LIPC: variants seen among roughly 807,000 people sequenced by gnomAD.
The protein encoded by LIPC is lipase C, hepatic type, also known as hepatic triacylglycerol lipase.
In LIPC, 44 loss-of-function variants were observed where a neutral mutation model predicts 50.7. That is an observed-to-expected ratio of 0.87 (90% CI 0.68 to 1.11). LIPC has a LOEUF of 1.11. Among genes scored for constraint, LIPC ranks in the 50% most tolerant of loss-of-function variants. LIPC has a pLI of 0.00. For missense variants in LIPC, 697 were observed against 648.2 expected (o/e 1.08, Z -0.82); for synonymous variants, 271 against 256.4 (o/e 1.06, Z -0.54).
chr15:58,550,027 A>AT, intron 6 of LIPC, among the ~76,000 whole-genome samples: 1 of 152,356 alleles, frequency 6.6e-6, no homozygotes, highest in South Asian at 2.1e-4. Context: ...TGTTCGCATC[A>AT]TGAGGAGCAG....
At chr15:58,543,622 T>C (rs144542329) in intron 4 of LIPC, among the ~76,000 whole-genome samples, 2 of 152,324 alleles carry the variant, frequency 1.3e-5, no homozygotes, top group African/African-American at 4.8e-5. Context: ...CGAATTTATA[T>C]TTTATCAAGT....
intron 6 of LIPC, among the ~76,000 whole-genome samples, chr15:58,555,744 C>T (rs1893922779): frequency 6.6e-6 from 1 of 152,196 alleles, no homozygotes; most frequent in Non-Finnish European, 1.5e-5. Flanking sequence ...CTGCCTCTAA[C>T]AGCAGGACAG....
chr15:58,496,976 C>T (rs1891794347), intron 1 of LIPC, among the ~76,000 whole-genome samples: 3 of 152,294 alleles, frequency 2.0e-5, no homozygotes, highest in African/African-American at 4.8e-5. Context: ...TAAGCCACCG[C>T]GCCCGGCCCT....
rs386383140 is a variant in LIPC, at chr15:58,557,379, C to CTTTTTTTTTT, written c.1052-3471_1052-3462dup. Among the ~76,000 whole-genome samples the CTTTTTTTTTT allele has an allele frequency of 2.4e-3, 185 of 75,686 alleles. 30 individuals carry two copies. The highest frequency in any genetic ancestry group is 3.7e-3 in the African/African-American group (68 of 18,578). 49.7% of individuals were successfully genotyped at this position (75,686 alleles called of 152,430 possible). A position where few individuals can be genotyped will look rare whatever the true frequency, so the allele number is the denominator to read the frequency against. On this transcript the variant is annotated intron_variant, in intron 6 of 8. Transcript: ENST00000299022. ...ATCATGCATACTGCCATTATATGCT[C>CTTTTTTTTTT]TTTTTTTTTTTTTTTTTTTTTTTGA...
At chr15:58,481,087 A>G (rs1379495638) in intron 1 of LIPC, among the ~76,000 whole-genome samples, 3 of 152,144 alleles carry the variant, frequency 2.0e-5, no homozygotes, top group African/African-American at 2.4e-5. Flanking sequence ...TACAAGCCCT[A>G]CAGCCCTCCA....
chr15:58,462,298 G>T (rs12909642), intron 1 of LIPC, among the ~76,000 whole-genome samples: 13,469 of 152,190 alleles, frequency 0.089, 796 homozygotes, highest in Middle Eastern at 0.15. Context: ...TGACTGAATT[G>T]ACATGATTGA....
chr15:58,567,886 G>C (rs1281917028), intron 8 of LIPC, among the ~76,000 whole-genome samples: 4 of 152,036 alleles, frequency 2.6e-5, no homozygotes, highest in African/African-American at 9.7e-5. Flanking sequence ...ATGGTGAAGA[G>C]GTTCTTTATT....
intron 1 of LIPC, among the ~76,000 whole-genome samples, chr15:58,447,250 G>A (rs913419328): frequency 6.6e-6 from 1 of 151,856 alleles, no homozygotes; most frequent in Admixed American, 6.6e-5. Context: ...CAGAGACCCA[G>A]GTGACCTAGC....
intron 2 of LIPC, among the ~76,000 whole-genome samples, chr15:58,538,902 G>A (rs879747865): frequency 6.6e-6 from 1 of 152,232 alleles, no homozygotes; most frequent in Non-Finnish European, 1.5e-5. Context: ...GTATCAGCAA[G>A]GTTTAAGTTC....
At chr15:58,525,503 T>C (rs1179121476) in intron 1 of LIPC, among the ~76,000 whole-genome samples, 2 of 152,338 alleles carry the variant, frequency 1.3e-5, no homozygotes, top group South Asian at 2.1e-4. Flanking sequence ...AGGAGGCCAA[T>C]ATATGCCTGC....
intron 1 of LIPC, among the ~76,000 whole-genome samples, chr15:58,471,328 T>TGCGGGGGGGG (rs1555399294): frequency 8.8e-6 from 1 of 114,166 alleles, no homozygotes; most frequent in African/African-American, 3.4e-5. Flanking sequence ...TTAGTAGAGA[T>TGCGGGGGGGG]GGGGGGGGGT....
At chr15:58,477,436 A>G (rs1891038280) in intron 1 of LIPC, among the ~76,000 whole-genome samples, 1 of 152,240 alleles carries the variant, frequency 6.6e-6, no homozygotes, top group African/African-American at 2.4e-5. Flanking sequence ...AATGAAAAGC[A>G]CTGAGAGAGG....
At chr15:58,435,366 C>T (rs1324813802) in intron 1 of LIPC, 4 of 152,118 alleles carry the variant, frequency 2.6e-5, no homozygotes, top group Non-Finnish European at 4.4e-5. Context: ...CATCCTAAGG[C>T]GATCTCCCTG....
chr15:58,546,077 G>A, intron 5 of LIPC, 102 bp downstream of exon 5: 1 of 1,012,996 alleles, frequency 9.9e-7, no homozygotes. Flanking sequence ...GAAGAGTTCA[G>A]CAAGGATAGG....
chr15:58,545,728 T>C lies in LIPC; in HGVS notation c.575-14T>C, dbSNP rs897052423. The C allele has an allele frequency of 6.2e-7, 1 of 1,612,580 alleles. No homozygotes were observed. Among genetic ancestry groups the C allele is most frequent in the African/African-American group, 1.3e-5 (1 of 75,018 alleles). On this transcript the variant is annotated splice_polypyrimidine_tract_variant and intron_variant, in intron 4 of 8. Coordinates refer to ENST00000299022, the MANE Select transcript of LIPC (RefSeq NM_000236.3). ...CTTGCTCCTGCGTAACCCTTACCCCTGCTTTCCCATTAGGGCTGGATGCCG... is the reference window on the plus strand; with the variant it reads ...CTTGCTCCTGCGTAACCCTTACCCCCGCTTTCCCATTAGGGCTGGATGCCG...
At chr15:58,510,901 G>C (rs555505348) in intron 1 of LIPC, among the ~76,000 whole-genome samples, 1 of 152,374 alleles carries the variant, frequency 6.6e-6, no homozygotes, top group South Asian at 2.1e-4. Context: ...TCCACATGGA[G>C]TTGGTGAGGA....
chr15:58,480,601 A>C (rs1441536060), intron 1 of LIPC, among the ~76,000 whole-genome samples: 2 of 152,166 alleles, frequency 1.3e-5, no homozygotes, highest in African/African-American at 4.8e-5. Context: ...CCGGCCTATA[A>C]GTTTCATTTA....
intron 7 of LIPC, 74 bp from the exon 8 acceptor site, chr15:58,563,426 ACACAT>A: frequency 8.3e-7 from 1 of 1,204,870 alleles, no homozygotes; most frequent in Non-Finnish European, 1.2e-6. Flanking sequence ...GGGAAACACA[ACACAT>A]CCTGAATGTG....
chr15:58,491,449 C>T (rs1392480330), intron 1 of LIPC, among the ~76,000 whole-genome samples: 2 of 152,160 alleles, frequency 1.3e-5, no homozygotes, highest in East Asian at 1.9e-4. Flanking sequence ...GTTTAAAAGA[C>T]CAAATGAATG....
Sources: allele counts gnomAD v4.1 joint callset (sites outside exome capture counted in the v4.1 genomes callset), GRCh38; gene constraint gnomAD v4.1.1; transcripts MANE v1.5; gene names NCBI Gene and HGNC (gene_info 2026-07-23, HGNC 2026-07-21).